The following SAMD3 variants were observed in gnomAD, a reference collection of about 807,000 sequenced individuals.
The protein encoded by SAMD3 is sterile alpha motif domain-containing protein 3.
A neutral mutation model predicts 58.5 loss-of-function variants in SAMD3; 63 were observed. The observed-to-expected ratio is 1.08, with a 90% CI of 0.88 to 1.33. The LOEUF is 1.33. Among genes scored for constraint, SAMD3 ranks in the 40% most tolerant of loss-of-function variants. The probability of loss-of-function intolerance (pLI) is 0.00; values close to 1 mark genes in which losing one functional copy is unlikely to be tolerated. For missense variants in SAMD3, 604 were observed against 608.4 expected, an observed-to-expected ratio of 0.99 and a Z score of 0.08; for synonymous variants, 220 against 210.3, an observed-to-expected ratio of 1.05 and a Z score of -0.40.
At chr6:130,230,248 A>T (rs1796505600) in intron 2 of SAMD3, among the ~76,000 whole-genome samples, 1 of 152,192 alleles carries the variant, frequency 6.6e-6, no homozygotes, top group Non-Finnish European at 1.5e-5. Flanking sequence ...AAAGTATATA[A>T]TATGAATGTT....
At chr6:130,245,905 G>A (rs1773526568) in intron 2 of SAMD3, among the ~76,000 whole-genome samples, 1 of 152,066 alleles carries the variant, frequency 6.6e-6, no homozygotes, top group African/African-American at 2.4e-5. Flanking sequence ...CACGAACATA[G>A]GAGAAGGTAG....
intron 7 of SAMD3, among the ~76,000 whole-genome samples, chr6:130,179,137 T>C (rs1378412679): frequency 6.6e-6 from 1 of 152,204 alleles, no homozygotes; most frequent in Non-Finnish European, 1.5e-5. Flanking sequence ...AAATTGCCAA[T>C]TTCTTCTTTC....
intron 2 of SAMD3, among the ~76,000 whole-genome samples, chr6:130,310,274 G>C (rs116658208): frequency 0.021 from 3,137 of 152,200 alleles, 97 homozygotes; most frequent in African/African-American, 0.071. Flanking sequence ...TGTAATCTTA[G>C]TAATCCTATA....
exon 1 of SAMD3, chr6:130,365,279 G>T (rs1021483412): frequency 2.0e-6 from 2 of 985,188 alleles, no homozygotes; most frequent in Admixed American, 6.1e-5. Flanking sequence ...TCGAACATCC[G>T]CACTGCTCAT....
intron 1 of SAMD3, among the ~76,000 whole-genome samples, chr6:130,352,456 T>G (rs1435705118): frequency 6.6e-6 from 1 of 152,094 alleles, no homozygotes; most frequent in East Asian, 1.9e-4. Context: ...ATATCACCCC[T>G]GCCATTAGTA....
At chr6:130,215,462 C>T in intron 2 of SAMD3, 168 bp from the exon 3 acceptor site, 1 of 1,313,716 alleles carries the variant, frequency 7.6e-7, no homozygotes, top group Non-Finnish European at 9.7e-7. Context: ...GCTAACAAAA[C>T]ACACACTCAC....
At chr6:130,209,464 C>A in intron 5 of SAMD3, 31 bp downstream of exon 5, 1 of 1,190,834 alleles carries the variant, frequency 8.4e-7, no homozygotes, top group East Asian at 2.4e-5. Context: ...TGTTATTTGG[C>A]TTTAAACTGT....
intron 5 of SAMD3, among the ~76,000 whole-genome samples, chr6:130,208,755 T>C (rs1302698758): frequency 6.6e-6 from 1 of 152,092 alleles, no homozygotes. Flanking sequence ...TAGAATATAA[T>C]AATAGAAATA....
intron 1 of SAMD3, among the ~76,000 whole-genome samples, chr6:130,356,551 C>A (rs910930275): frequency 2.6e-5 from 4 of 152,138 alleles, no homozygotes; most frequent in African/African-American, 9.7e-5. Flanking sequence ...TCTGCCCCTC[C>A]GGCATCTAAG....
chr6:130,201,049 A>T (rs368779146), intron 5 of SAMD3, among the ~76,000 whole-genome samples: 79 of 152,318 alleles, frequency 5.2e-4, no homozygotes, highest in African/African-American at 1.8e-3. Context: ...CCTCAGTAAC[A>T]GGCCCACCAT....
intron 8 of SAMD3, 56 bp downstream of exon 8, chr6:130,175,785 C>T: frequency 1.8e-6 from 2 of 1,113,724 alleles, no homozygotes; most frequent in Non-Finnish European, 1.3e-6. Flanking sequence ...TTTATTATCC[C>T]TTAATCAATA....
intron 8 of SAMD3, among the ~76,000 whole-genome samples, chr6:130,158,014 G>T (rs1032648698): frequency 4.0e-5 from 6 of 151,770 alleles, no homozygotes; most frequent in Admixed American, 3.9e-4. Context: ...CAAAAAATGT[G>T]GAAGACTTTT....
intron 8 of SAMD3, among the ~76,000 whole-genome samples, chr6:130,164,544 C>T (rs757529319): frequency 1.3e-5 from 2 of 152,106 alleles, no homozygotes; most frequent in African/African-American, 4.8e-5. Flanking sequence ...AGAAGTGGAT[C>T]GAATGCTTGA....
upstream of SAMD3, among the ~76,000 whole-genome samples, chr6:130,226,972 G>A (rs970107972): frequency 6.6e-6 from 1 of 152,134 alleles, no homozygotes; most frequent in African/African-American, 2.4e-5. Flanking sequence ...TATACATAAT[G>A]TAAAGTTTAC....
chr6:130,151,335 AT>A (rs978920571), intron 9 of SAMD3, among the ~76,000 whole-genome samples: 52 of 149,820 alleles, frequency 3.5e-4, no homozygotes, highest in African/African-American at 7.8e-4. Flanking sequence ...CCTCATACAT[AT>A]TTTTTTTTTC....
At chr6:130,281,107 A>G (rs528475150) in intron 2 of SAMD3, among the ~76,000 whole-genome samples, 1 of 143,568 alleles carries the variant, frequency 7.0e-6, no homozygotes, top group Admixed American at 7.3e-5. Flanking sequence ...TGTAATGCAA[A>G]TTATGTGAAT....
chr6:130,284,491 GGAGA>G (rs1775091883), intron 2 of SAMD3, among the ~76,000 whole-genome samples: 1 of 151,662 alleles, frequency 6.6e-6, no homozygotes, highest in Admixed American at 6.6e-5. Flanking sequence ...AGAGAGAGAG[GGAGA>G]GAGAAAGAGA....
chr6:130,257,701 A>G (rs1003742521), intron 2 of SAMD3, among the ~76,000 whole-genome samples: 25 of 152,296 alleles, frequency 1.6e-4, no homozygotes, highest in African/African-American at 5.8e-4. Context: ...TTGAAATTAT[A>G]ATGGACACAC....
chr6:130,337,778 G>A (rs550294051), intron 1 of SAMD3, among the ~76,000 whole-genome samples: 25 of 152,288 alleles, frequency 1.6e-4, no homozygotes, highest in Admixed American at 5.9e-4. Context: ...CATTTTGCCC[G>A]TGCCGTAGAG....
Sources: gnomAD v4.1 joint callset for allele counts (sites outside exome capture counted in the v4.1 genomes callset) on GRCh38, gnomAD v4.1.1 for gene constraint, MANE v1.5 for transcripts, NCBI Gene and HGNC (gene_info 2026-07-23, HGNC 2026-07-21) for gene names.